Variants in ABCA8 observed in about 807,000 individuals in gnomAD.
The protein encoded by ABCA8 is ABC-type organic anion transporter ABCA8.
Under a neutral mutation model 192.3 loss-of-function variants are expected in ABCA8, and 177 were observed. The observed-to-expected ratio is 0.92, with a 90% CI of 0.81 to 1.04. ABCA8 has a LOEUF of 1.04. Among genes scored for constraint, ABCA8 ranks in the 50% least tolerant of loss-of-function variants. The pLI, the probability that ABCA8 is intolerant of heterozygous loss-of-function variation, is 0.00. For synonymous variants in ABCA8, 642 were observed against 690.2 expected (o/e 0.93, Z 1.09); for missense variants, 1,915 against 1,904.8 (o/e 1.01, Z -0.10).
rs780262755 is a variant in ABCA8, at chr17:68,891,585, G to A, written c.3048C>T (p.Asp1016=). Residue 1016 remains aspartate (D), a synonymous_variant, in exon 24 of 40, where the codon GAC becomes GAT. Transcript: ENST00000586539. The part of the protein sequence containing the change: ...ERSTFLENGQ[D]NPIGFLAYIM... ...TATATGCCAGGAATCCGATTGGATT[G>A]TCCTGTCCATTCTGAAAAACCCAAA... 5 of 1,609,716 alleles carry A rather than the reference G, an allele frequency of 3.1e-6. No homozygotes were observed. In the East Asian group the frequency reaches 1.1e-4, roughly 36 times the overall value.
chr17:68,891,910 T>G (rs1328807821), intron 23 of ABCA8, among the ~76,000 whole-genome samples: 1 of 152,242 alleles, frequency 6.6e-6, no homozygotes, highest in Non-Finnish European at 1.5e-5. Flanking sequence ...AATTCACAGT[T>G]GATACATTCA....
intron 5 of ABCA8, 67 bp from the exon 6 acceptor site, chr17:68,933,338 T>C (rs1170301977): frequency 1.9e-6 from 2 of 1,046,692 alleles, no homozygotes; most frequent in Admixed American, 2.2e-5. Flanking sequence ...ATGATTTTAA[T>C]ACTGATTATA....
At chr17:68,920,257 G>A (rs2067497913) in intron 13 of ABCA8, among the ~76,000 whole-genome samples, 1 of 152,230 alleles carries the variant, frequency 6.6e-6, no homozygotes, top group African/African-American at 2.4e-5. Flanking sequence ...CTTGATGGGG[G>A]AGGGTTGCAG....
At chr17:68,935,761 A>G (rs1170238910) in intron 5 of ABCA8, among the ~76,000 whole-genome samples, 2 of 151,602 alleles carry the variant, frequency 1.3e-5, no homozygotes, top group East Asian at 3.9e-4. Context: ...TCTTTGAGAA[A>G]TCTCCATACT....
Position 68,875,288 on chromosome 17 carries a change from G to T in ABCA8, c.4603C>A (p.Leu1535Ile), listed in dbSNP as rs776276671. The change falls in exon 37 of 40, where the codon CTT becomes ATT. Residue 1535 changes from leucine to isoleucine, a missense_variant. Coordinates refer to ENST00000586539, the MANE Select transcript of ABCA8 (RefSeq NM_001288985.2). ...TCCTGCCGAGCAGCCTGGGGGAAAA[G>T]CCTCAGGATCTCTGCATGGAGGGGC... ...VEPLHAEILR[L>I]FPQAARQERY... is the part of the protein sequence containing the mutation. The T allele has an allele frequency of 3.7e-6, 6 of 1,613,866 alleles. No individual in the cohort carries two copies. Among genetic ancestry groups the T allele is most frequent in the Admixed American group, 1.7e-5 (1 of 60,002 alleles).
chr17:68,868,095 T>C lies in ABCA8; in HGVS notation c.4856A>G (p.Glu1619Gly), dbSNP rs201993778. The change falls in exon 40 of 40, where the codon GAA (glutamate) becomes GGA (glycine). Residue 1619 changes from glutamate to glycine, a missense_variant. Transcript: ENST00000586539. ...ACAGAATTTGGGGTTTTAAGGCTCT[T>C]CCTGGGGGAGGAGCTTCCACTTCAC... ...PSVKWKLLPQ[E>G]EP is the part of the protein sequence containing the mutation. 2 of 1,611,668 alleles carry C rather than the reference T, an allele frequency of 1.2e-6. No homozygotes were observed. The highest frequency in any genetic ancestry group is 2.2e-5 in the East Asian group (1 of 44,866).
chr17:68,919,612 C>T (rs980631211), intron 13 of ABCA8, 136 bp from the exon 14 acceptor site: 2 of 726,862 alleles, frequency 2.8e-6, no homozygotes, highest in African/African-American at 3.6e-5. Flanking sequence ...ACTTTAGTTG[C>T]ATAGTATATT....
At chr17:68,942,735 C>T (rs1049174247) in intron 2 of ABCA8, among the ~76,000 whole-genome samples, 1 of 152,124 alleles carries the variant, frequency 6.6e-6, no homozygotes, top group Non-Finnish European at 1.5e-5. Flanking sequence ...TACCTTATCT[C>T]CTCATGTTTA....
chr17:68,879,995 AC>A (rs1173814611), intron 32 of ABCA8: 1 of 151,376 alleles, frequency 6.6e-6, no homozygotes, highest in Non-Finnish European at 1.5e-5. Flanking sequence ...CTCTGGTGAA[AC>A]CCCACCTTCA....
chr17:68,949,058 G>A (rs1170534362), intron 2 of ABCA8, among the ~76,000 whole-genome samples: 2 of 152,100 alleles, frequency 1.3e-5, no homozygotes, highest in East Asian at 1.9e-4. Context: ...TTGTAGATGC[G>A]TGGTGTAATT....
At chr17:68,884,783 C>G in intron 27 of ABCA8, 2 of 985,348 alleles carry the variant, frequency 2.0e-6, no homozygotes, top group Non-Finnish European at 2.4e-6. Flanking sequence ...TGTACAGTAA[C>G]TTCCTTCCTT....
At chr17:68,884,556 T>TC in intron 27 of ABCA8, 160 bp from the exon 28 acceptor site, 1 of 1,327,190 alleles carries the variant, frequency 7.5e-7, no homozygotes, top group East Asian at 3.0e-5. Flanking sequence ...TCTTCCTTCC[T>TC]CCCAAGGTCT....
chr17:68,882,493 C>T, intron 30 of ABCA8, 106 bp downstream of exon 30: 2 of 994,110 alleles, frequency 2.0e-6, no homozygotes, highest in Non-Finnish European at 2.8e-6. Flanking sequence ...TGGCAATTAC[C>T]TACTAAAATA....
chr17:68,872,458 G>A (rs1450809856), intron 37 of ABCA8, among the ~76,000 whole-genome samples: 1 of 148,298 alleles, frequency 6.7e-6, no homozygotes, highest in Non-Finnish European at 1.5e-5. Flanking sequence ...GGATAGCATC[G>A]GGAGATATAC....
At chr17:68,948,732 G>A (rs545413272) in intron 2 of ABCA8, among the ~76,000 whole-genome samples, 20 of 152,186 alleles carry the variant, frequency 1.3e-4, no homozygotes, top group Non-Finnish European at 1.8e-4. Flanking sequence ...CTGTGCAGAC[G>A]CTCTTTAGTT....
rs548959696 is a variant in ABCA8 at position 68,937,016 on chromosome 17, G to C, written c.401C>G (p.Ser134Ter). The change falls in exon 5 of 40, where the codon TCA (serine) becomes TGA (stop). Residue 134 changes from serine (S) to a stop codon, truncating the protein, a stop_gained. Coordinates refer to ENST00000586539, the MANE Select transcript of ABCA8 (RefSeq NM_001288985.2). LOFTEE classifies it high-confidence loss of function. ...IVRVTFTNTYSYHLKFLLGHG... is the reference protein window; with the variant it reads ...IVRVTFTNTY ...TCCTAGCAAGAACTTCAAATGATAT[G>C]AGTATGTATTAGTAAAGGTGACTCT... The C allele has an allele frequency of 1.2e-6, 2 of 1,610,298 alleles. No individual in the cohort carries two copies. Among genetic ancestry groups the C allele is most frequent in the Non-Finnish European group, 1.7e-6 (2 of 1,178,456 alleles).
At position 68,881,967 on chromosome 17, in the gene ABCA8, A is replaced by G. The variant is rs141756161; in HGVS notation, c.3842T>C (p.Ile1281Thr). ...ATACTCCTTGCGTAGACAGCTGGCA[A>G]TGATGACTGGCTTCTGTAAATGACA... ...STNFDEKPVI[I>T]ASCLRKEYAG... Residue 1281 changes from isoleucine to threonine, a missense_variant, in exon 31 of 40, where the codon ATT becomes ACT. Physicochemically the swap from Ile to Thr is moderately conservative, Grantham distance 89 (BLOSUM62 -1). Coordinates refer to ENST00000586539, the MANE Select transcript of ABCA8 (RefSeq NM_001288985.2). 1 of 1,613,588 alleles carries G rather than the reference A, an allele frequency of 6.2e-7. No homozygotes were observed. Among genetic ancestry groups the G allele is most frequent in the Non-Finnish European group, 8.5e-7 (1 of 1,179,670 alleles).
chr17:68,895,355 T>C (rs978952787), intron 21 of ABCA8, among the ~76,000 whole-genome samples: 1 of 152,134 alleles, frequency 6.6e-6, no homozygotes, highest in Non-Finnish European at 1.5e-5. Flanking sequence ...TTACTACTGC[T>C]AGATTATTAA....
At chr17:68,941,314 T>C (rs1341553201) in intron 3 of ABCA8, among the ~76,000 whole-genome samples, 1 of 152,162 alleles carries the variant, frequency 6.6e-6, no homozygotes, top group Non-Finnish European at 1.5e-5. Flanking sequence ...AGAAATCACT[T>C]TATTTCCAAA....
Sources: gnomAD v4.1 joint callset for allele counts (sites outside exome capture counted in the v4.1 genomes callset) on GRCh38, gnomAD v4.1.1 for gene constraint, MANE v1.5 for transcripts, NCBI Gene and HGNC (gene_info 2026-07-23, HGNC 2026-07-21) for gene names.